The following ACTR3B variants were observed in gnomAD, a reference collection of about 807,000 sequenced individuals.
ACTR3B encodes actin related protein 3B.
Under a neutral mutation model 59.0 loss-of-function variants are expected in ACTR3B, and 8 were observed. The ratio of observed to expected loss-of-function variants is 0.14; its 90% CI spans 0.08 to 0.24. The LOEUF (loss-of-function observed/expected upper bound fraction) is 0.24, where lower values mean the gene tolerates loss of function less well. Ranked by LOEUF, ACTR3B falls within the 10% of genes least tolerant of loss-of-function variation. The pLI is 1.00. For missense variants in ACTR3B, 245 were observed against 552.3 expected (o/e 0.44, Z 5.58); for synonymous variants, 148 against 197.9 (o/e 0.75, Z 2.12).
At chr7:152,800,451 A>G in intron 2 of ACTR3B, 80 bp from the exon 3 acceptor site, 6 of 1,539,882 alleles carry the variant, frequency 3.9e-6, no homozygotes, top group Non-Finnish European at 4.4e-6. Flanking sequence ...ACTTGTGTGT[A>G]TATAAGGATA....
intron 2 of ACTR3B, among the ~76,000 whole-genome samples, chr7:152,796,843 T>A (rs2098218042): frequency 7.6e-6 from 1 of 132,444 alleles, no homozygotes; most frequent in Non-Finnish European, 1.6e-5. Flanking sequence ...TAGTTGGGAC[T>A]CCCGGCTAGT....
In ACTR3B at chr7:152,820,466, C is replaced by T. The variant is rs188338574; in HGVS notation, c.684+24C>T. The T allele has an allele frequency of 8.1e-5, 130 of 1,601,226 alleles. 1 individual carries two copies. The East Asian group carries it at 1.0e-3, about 12-fold the overall frequency. On this transcript the variant is annotated intron_variant, in intron 7 of 11. Transcript: ENST00000256001. ...AGGTAAAAACAGATGGGAAACCGGC[C>T]GGTTTGGGGGTGAGAGAGATGGTGT...
At chr7:152,772,440 G>T (rs2098126277) in intron 1 of ACTR3B, among the ~76,000 whole-genome samples, 1 of 152,184 alleles carries the variant, frequency 6.6e-6, no homozygotes, top group Non-Finnish European at 1.5e-5. Context: ...TGGGAGGATG[G>T]TGTGGATCTA....
At chr7:152,797,279 C>T (rs2098220682) in intron 2 of ACTR3B, among the ~76,000 whole-genome samples, 1 of 151,896 alleles carries the variant, frequency 6.6e-6, no homozygotes, top group Admixed American at 6.6e-5. Flanking sequence ...TGGGGTCTTG[C>T]TATGTTGCCC....
chr7:152,790,459 A>G (rs1413051824), intron 2 of ACTR3B, among the ~76,000 whole-genome samples: 1 of 152,126 alleles, frequency 6.6e-6, no homozygotes, highest in Non-Finnish European at 1.5e-5. Context: ...CTGGGATTAC[A>G]GGAATGAGCC....
chr7:152,823,430 G>T lies in ACTR3B; in HGVS notation c.773G>T (p.Gly258Val). The stretch of plus-strand genomic sequence containing the variant: ...CGGAAGTGGATCAAACAGTACACGG[G>T]TATCAATGCGATCAACCAGAAGAAG... ...DPRKWIKQYTGINAINQKKFV... is the reference protein window; with the variant it reads ...DPRKWIKQYTVINAINQKKFV... Residue 258 changes from glycine to valine, a missense_variant, in exon 8 of 12, where the codon GGT (glycine) becomes GTT (valine). Transcript: ENST00000256001. The T allele has an allele frequency of 3.7e-6, 6 of 1,614,230 alleles. No homozygotes were observed. Among genetic ancestry groups the T allele is most frequent in the South Asian group, 2.2e-5 (2 of 91,084 alleles).
intron 9 of ACTR3B, among the ~76,000 whole-genome samples, chr7:152,841,524 T>G (rs1219172901): frequency 1.3e-5 from 2 of 152,100 alleles, no homozygotes; most frequent in Non-Finnish European, 2.9e-5. Flanking sequence ...ACATGAGAAT[T>G]TCTGAACACA....
chr7:152,850,053 C>T (rs1353888705), intron 9 of ACTR3B, among the ~76,000 whole-genome samples: 1 of 149,392 alleles, frequency 6.7e-6, no homozygotes. Flanking sequence ...GCCAGCTTCT[C>T]CAGGTAGAAG....
rs758027409 is a variant in ACTR3B at position 152,823,437 on chromosome 7, T to C, written c.780T>C (p.Asn260=). ...RKWIKQYTGI[N]AINQKKFVID... ...GGATCAAACAGTACACGGGTATCAA[T>C]GCGATCAACCAGAAGAAGTTTGTTA... Residue 260 remains asparagine, a synonymous_variant, in exon 8 of 12, where the codon AAT becomes AAC. Transcript: ENST00000256001. The C allele has an allele frequency of 6.2e-7, 1 of 1,614,120 alleles. No individual in the cohort carries two copies. The highest frequency in any genetic ancestry group is 1.6e-4 in the Middle Eastern group (1 of 6,084).
At chr7:152,830,462 G>T (rs184097019) in intron 9 of ACTR3B, among the ~76,000 whole-genome samples, 1,591 of 152,324 alleles carry the variant, frequency 0.01, 28 homozygotes, top group African/African-American at 0.036. Context: ...GTAACAAATT[G>T]CTTGAATTGA....
chr7:152,829,472 T>C (rs1796851862), intron 9 of ACTR3B, among the ~76,000 whole-genome samples: 1 of 152,224 alleles, frequency 6.6e-6, no homozygotes, highest in African/African-American at 2.4e-5. Context: ...CCATCATCTG[T>C]CCGATTTTTA....
intron 9 of ACTR3B, among the ~76,000 whole-genome samples, chr7:152,844,702 C>G (rs1798131522): frequency 6.6e-6 from 1 of 150,558 alleles, no homozygotes; most frequent in African/African-American, 2.4e-5. Context: ...AATTTTATCT[C>G]TCACTATCTT....
chr7:152,834,660 A>T (rs1304921313), intron 9 of ACTR3B, among the ~76,000 whole-genome samples: 2 of 151,864 alleles, frequency 1.3e-5, no homozygotes, highest in Non-Finnish European at 2.9e-5. Context: ...TTCGATACCA[A>T]CTCTTTTTTC....
At chr7:152,785,379 G>GAGA (rs779712172) in intron 2 of ACTR3B, among the ~76,000 whole-genome samples, 1 of 7,574 alleles carries the variant, frequency 1.3e-4, no homozygotes, top group African/African-American at 4.3e-4. Context: ...TTTGTTGTGA[G>GAGA]GGGGGGGGGA....
chr7:152,823,048 G>C lies in ACTR3B; in HGVS notation c.685-294G>C, dbSNP rs528459586. Among the ~76,000 whole-genome samples the C allele has an allele frequency of 2.0e-4, 30 of 152,328 alleles. No homozygotes were observed. In the East Asian group the frequency reaches 5.8e-3, roughly 29 times the overall value. ...ACAAGGCAAGACGAGGTGCTTTCTAGACACCTGTAGACATCATTTCAGATA... is the reference window on the plus strand; with the variant it reads ...ACAAGGCAAGACGAGGTGCTTTCTACACACCTGTAGACATCATTTCAGATA... On this transcript the variant is annotated intron_variant, in intron 7 of 11. Coordinates refer to ENST00000256001, the MANE Select transcript of ACTR3B (RefSeq NM_020445.6).
At chr7:152,801,476 G>A in intron 3 of ACTR3B, 145 bp from the exon 4 acceptor site, 1 of 812,348 alleles carries the variant, frequency 1.2e-6, no homozygotes, top group Non-Finnish European at 1.9e-6. Flanking sequence ...TCCAAATGCT[G>A]TTGTTTCTTT....
At chr7:152,793,113 G>T (rs2098203030) in intron 2 of ACTR3B, among the ~76,000 whole-genome samples, 1 of 140,856 alleles carries the variant, frequency 7.1e-6, no homozygotes, top group Non-Finnish European at 1.5e-5. Flanking sequence ...TTTTGTTTCG[G>T]GTTAACTTAT....
chr7:152,829,985 G>A (rs1796899371), intron 9 of ACTR3B, among the ~76,000 whole-genome samples: 2 of 152,192 alleles, frequency 1.3e-5, no homozygotes. Flanking sequence ...GCCTTCAAGA[G>A]CTTATAAAAA....
chr7:152,832,073 G>C (rs1797075609), intron 9 of ACTR3B, among the ~76,000 whole-genome samples: 1 of 152,186 alleles, frequency 6.6e-6, no homozygotes, highest in Non-Finnish European at 1.5e-5. Flanking sequence ...CGCGGAGGCA[G>C]GACAGTGCCC....
Sources: gnomAD v4.1 joint callset for allele counts (sites outside exome capture counted in the v4.1 genomes callset) on GRCh38, gnomAD v4.1.1 for gene constraint, MANE v1.5 for transcripts, NCBI Gene and HGNC (gene_info 2026-07-23, HGNC 2026-07-21) for gene names.